Variants in MBNL1 observed in about 807,000 individuals in gnomAD.
MBNL1 encodes muscleblind like splicing regulator 1.
In MBNL1, 8 loss-of-function variants were observed where a neutral mutation model predicts 42.2. The ratio of observed to expected loss-of-function variants is 0.19; its 90% CI spans 0.11 to 0.34. The LOEUF (loss-of-function observed/expected upper bound fraction) is 0.34. Ranked by LOEUF, MBNL1 falls within the 10% of genes least tolerant of loss-of-function variation. The probability of loss-of-function intolerance (pLI) is 1.00; values close to 1 mark genes in which losing one functional copy is unlikely to be tolerated. For missense variants in MBNL1, 309 were observed against 495.3 expected, an observed-to-expected ratio of 0.62 and a Z score of 3.57; for synonymous variants, 169 against 173.9, an observed-to-expected ratio of 0.97 and a Z score of 0.22.
At chr3:152,459,648 T>C (rs1220532969) in intron 9 of MBNL1, among the ~76,000 whole-genome samples, 1 of 78,620 alleles carries the variant, frequency 1.3e-5, no homozygotes, top group Non-Finnish European at 2.7e-5. Flanking sequence ...GTTGGCAAAC[T>C]TTCTTATAGG....
At chr3:152,356,218 C>T (rs928303875) in intron 2 of MBNL1, among the ~76,000 whole-genome samples, 1 of 151,154 alleles carries the variant, frequency 6.6e-6, no homozygotes, top group Admixed American at 6.6e-5. Context: ...ACAAATATCC[C>T]AGCACACTTT....
intron 4 of MBNL1, 109 bp from the exon 5 acceptor site, chr3:152,445,173 C>G: frequency 1.1e-6 from 1 of 894,526 alleles, no homozygotes; most frequent in East Asian, 2.5e-5. Context: ...ATCATTTTCC[C>G]TTTTCATCTA....
chr3:152,313,005 G>GA (rs2067855310), intron 2 of MBNL1, among the ~76,000 whole-genome samples: 1 of 151,054 alleles, frequency 6.6e-6, no homozygotes, highest in Non-Finnish European at 1.5e-5. Context: ...AAAGCCACAT[G>GA]AAAAAATGTG....
chr3:152,352,972 TAA>T (rs1287342392), intron 2 of MBNL1, among the ~76,000 whole-genome samples: 1 of 152,248 alleles, frequency 6.6e-6, no homozygotes, highest in Non-Finnish European at 1.5e-5. Context: ...TGAACTTGTT[TAA>T]GTCTATTTTA....
intron 1 of MBNL1, among the ~76,000 whole-genome samples, chr3:152,272,097 A>G (rs1462565482): frequency 6.6e-6 from 1 of 151,726 alleles, no homozygotes; most frequent in African/African-American, 2.4e-5. Flanking sequence ...AATATAACAA[A>G]TGTGGCTAAC....
chr3:152,440,805 C>T (rs900323393), intron 4 of MBNL1, among the ~76,000 whole-genome samples: 2 of 151,998 alleles, frequency 1.3e-5, no homozygotes, highest in South Asian at 2.1e-4. Flanking sequence ...TCATGATCAG[C>T]GATGCTGTGG....
intron 2 of MBNL1, among the ~76,000 whole-genome samples, chr3:152,381,406 T>G (rs1267344911): frequency 6.6e-6 from 1 of 152,012 alleles, no homozygotes; most frequent in Non-Finnish European, 1.5e-5. Flanking sequence ...AAACAAACGC[T>G]GTCCATAAGT....
intron 2 of MBNL1, among the ~76,000 whole-genome samples, chr3:152,383,959 T>C (rs1462992743): frequency 1.3e-5 from 2 of 152,136 alleles, no homozygotes; most frequent in East Asian, 1.9e-4. Flanking sequence ...GTTTTAGATT[T>C]ATTACCTATT....
At chr3:152,273,308 T>G (rs1244120928) in intron 1 of MBNL1, among the ~76,000 whole-genome samples, 1 of 152,230 alleles carries the variant, frequency 6.6e-6, no homozygotes, top group Non-Finnish European at 1.5e-5. Flanking sequence ...TTTTACGTAG[T>G]GTTTTTCATA....
chr3:152,327,429 C>T (rs932336142), intron 2 of MBNL1, among the ~76,000 whole-genome samples: 3 of 152,226 alleles, frequency 2.0e-5, no homozygotes, highest in Middle Eastern at 3.4e-3. Flanking sequence ...CTCACTGCAA[C>T]CGCCGCCTCC....
At chr3:152,461,042 GTGT>G (rs1315043150) in intron 9 of MBNL1, among the ~76,000 whole-genome samples, 1 of 152,150 alleles carries the variant, frequency 6.6e-6, no homozygotes, top group East Asian at 1.9e-4. Flanking sequence ...GACAATGAAG[GTGT>G]TGTTCTAAAG....
At chr3:152,370,765 C>CT (rs1045749175) in intron 2 of MBNL1, among the ~76,000 whole-genome samples, 1 of 151,020 alleles carries the variant, frequency 6.6e-6, no homozygotes, top group Non-Finnish European at 1.5e-5. Context: ...CCTTCTTTGT[C>CT]TTTTTTGATC....
chr3:152,366,194 C>G (rs1469279114), intron 2 of MBNL1, among the ~76,000 whole-genome samples: 1 of 151,848 alleles, frequency 6.6e-6, no homozygotes, highest in Non-Finnish European at 1.5e-5. Context: ...AATCATAGCC[C>G]GAGGGTTTGT....
Position 152,452,479 on chromosome 3 carries a change from C to T in MBNL1, c.962-3063C>T, listed in dbSNP as rs559608526. ...TCAGACAGGCTATGCATTCTTCATGCTTCAGTCACCGCTGCTCACTGCTGA... is the reference window on the plus strand; with the variant it reads ...TCAGACAGGCTATGCATTCTTCATGTTTCAGTCACCGCTGCTCACTGCTGA... On this transcript the variant is annotated intron_variant, in intron 6 of 9. Transcript: ENST00000324210. Among the ~76,000 whole-genome samples the T allele has an allele frequency of 2.2e-4, 34 of 152,306 alleles. No homozygotes were observed. In the South Asian group the frequency reaches 6.6e-3, roughly 30 times the overall value.
intron 2 of MBNL1, among the ~76,000 whole-genome samples, chr3:152,341,851 A>G (rs2093306747): frequency 6.6e-6 from 1 of 152,158 alleles, no homozygotes; most frequent in South Asian, 2.1e-4. Flanking sequence ...ACTTTAAGGG[A>G]CTGTTTCACT....
chr3:152,365,556 A>C (rs2153198067), intron 2 of MBNL1, among the ~76,000 whole-genome samples: 1 of 152,256 alleles, frequency 6.6e-6, no homozygotes, highest in South Asian at 2.1e-4. Flanking sequence ...AAAAGGATGT[A>C]CTAGAGGTTA....
intron 1 of MBNL1, among the ~76,000 whole-genome samples, chr3:152,293,815 A>G (rs562395183): frequency 1.6e-4 from 25 of 152,332 alleles, no homozygotes; most frequent in African/African-American, 4.8e-4. Context: ...ATTAGTAAAC[A>G]TATGTGAGCA....
rs2096664258 is a variant in MBNL1 at position 152,371,621 on chromosome 3, T to C, written c.175-43320T>C. On this transcript the variant is annotated intron_variant, in intron 2 of 9. Coordinates refer to ENST00000324210, the MANE Select transcript of MBNL1 (RefSeq NM_021038.5). ...CACACAAAAAAAAGAATGTTGAATA[T>C]TGGCCCGCACTCTCTTCTGGCTTGT... is the stretch of plus-strand genomic sequence containing the variant. 2.6e-5 allele frequency among the ~76,000 whole-genome samples: 4 copies of C among 152,156 alleles called. No individual in the cohort carries two copies. In the South Asian group the frequency reaches 8.3e-4, roughly 32 times the overall value.
upstream of MBNL1, chr3:152,268,871 G>A (rs2038132981): frequency 2.2e-6 from 1 of 453,644 alleles, no homozygotes; most frequent in Non-Finnish European, 4.4e-6. Flanking sequence ...GGGAGGGGCC[G>A]CGCAGCAGCA....
Sources: gnomAD v4.1 joint callset for allele counts (sites outside exome capture counted in the v4.1 genomes callset) on GRCh38, gnomAD v4.1.1 for gene constraint, MANE v1.5 for transcripts, NCBI Gene and HGNC (gene_info 2026-07-23, HGNC 2026-07-21) for gene names.